Variants in SUPT3H observed in about 807,000 individuals in gnomAD.
The protein encoded by SUPT3H is SPT3 homolog, SAGA and STAGA complex component, also known as transcription initiation protein SPT3 homolog.
SUPT3H carries 44 observed loss-of-function variants against 44.3 expected under a neutral mutation model. The ratio of observed to expected loss-of-function variants is 0.99; its 90% confidence interval spans 0.78 to 1.28. SUPT3H has a LOEUF of 1.28. Among genes scored for constraint, SUPT3H ranks in the 50% most tolerant of loss-of-function variants. SUPT3H has a pLI of 0.00. For missense variants in SUPT3H, 380 were observed against 387.1 expected, an observed-to-expected ratio of 0.98 and a Z score of 0.15; for synonymous variants, 124 against 125.6, an observed-to-expected ratio of 0.99 and a Z score of 0.09.
intron 11 of SUPT3H, among the ~76,000 whole-genome samples, chr6:44,816,905 C>CA (rs547171999): frequency 0.14 from 14,895 of 103,200 alleles, 1,328 homozygotes; most frequent in African/African-American, 0.34. Flanking sequence ...AAAACAACAA[C>CA]AAAAAAAATG....
intron 10 of SUPT3H, among the ~76,000 whole-genome samples, chr6:44,882,652 C>G (rs1008543357): frequency 9.2e-5 from 14 of 152,112 alleles, no homozygotes; most frequent in African/African-American, 3.4e-4. Context: ...TACTGGCAAA[C>G]CGGATCCAGC....
chr6:44,921,491 A>G (rs1344792841), intron 10 of SUPT3H, among the ~76,000 whole-genome samples: 2 of 152,194 alleles, frequency 1.3e-5, no homozygotes, highest in Non-Finnish European at 2.9e-5. Flanking sequence ...TAGGTCACCA[A>G]CATGAAGATC....
chr6:44,997,650 A>T (rs188627925), intron 6 of SUPT3H, among the ~76,000 whole-genome samples: 1 of 152,016 alleles, frequency 6.6e-6, no homozygotes, highest in East Asian at 1.9e-4. Context: ...GCCAATAGCA[A>T]TGCCTTTTAT....
At chr6:45,012,578 AT>A (rs1783652902) in intron 5 of SUPT3H, among the ~76,000 whole-genome samples, 1 of 151,856 alleles carries the variant, frequency 6.6e-6, no homozygotes, top group Non-Finnish European at 1.5e-5. Flanking sequence ...TAAAAATTTT[AT>A]TTCCTTTAGT....
downstream of SUPT3H, among the ~76,000 whole-genome samples, chr6:44,825,650 G>A (rs1013867687): frequency 6.6e-6 from 1 of 152,110 alleles, no homozygotes; most frequent in Admixed American, 6.6e-5. Flanking sequence ...AGTACACAGG[G>A]TAGCACATGG....
intron 3 of SUPT3H, among the ~76,000 whole-genome samples, chr6:45,027,922 TTG>T (rs200745152): frequency 0.019 from 2,944 of 152,288 alleles, 52 homozygotes; most frequent in South Asian, 0.086. Context: ...TCCTAAGCCT[TTG>T]TGTGACTTTT....
At chr6:44,855,389 C>T (rs534600691) in intron 10 of SUPT3H, among the ~76,000 whole-genome samples, 38 of 152,180 alleles carry the variant, frequency 2.5e-4, no homozygotes, top group Admixed American at 9.2e-4. Flanking sequence ...TGCTCAGAAA[C>T]GAATACAAAC....
intron 2 of SUPT3H, among the ~76,000 whole-genome samples, chr6:45,155,889 T>C (rs1392995136): frequency 6.6e-6 from 1 of 152,090 alleles, no homozygotes. Context: ...TATATATAAA[T>C]GATAGGCCAA....
At chr6:45,330,895 G>A (rs1787343697) in intron 2 of SUPT3H, among the ~76,000 whole-genome samples, 1 of 151,894 alleles carries the variant, frequency 6.6e-6, no homozygotes, top group Non-Finnish European at 1.5e-5. Flanking sequence ...TTATCACATT[G>A]CAAACATTTC....
chr6:45,074,957 ATTAT>A (rs1794825292), intron 3 of SUPT3H, among the ~76,000 whole-genome samples: 1 of 152,046 alleles, frequency 6.6e-6, no homozygotes, highest in South Asian at 2.1e-4. Context: ...CGTGCTACAA[ATTAT>A]TTATTTTTGT....
At chr6:45,285,572 C>G (rs2053828565) in intron 2 of SUPT3H, among the ~76,000 whole-genome samples, 1 of 151,996 alleles carries the variant, frequency 6.6e-6, no homozygotes, top group Non-Finnish European at 1.5e-5. Flanking sequence ...AACTACAAAC[C>G]ACTGCTCAAT....
chr6:44,934,269 C>T (rs35704584), intron 9 of SUPT3H, among the ~76,000 whole-genome samples: 18,700 of 152,076 alleles, frequency 0.12, 1,463 homozygotes, highest in East Asian at 0.27. Flanking sequence ...GCAATTTCAC[C>T]TGTAAGAATT....
chr6:45,248,707 G>C (rs1393471881), intron 2 of SUPT3H, among the ~76,000 whole-genome samples: 2 of 152,084 alleles, frequency 1.3e-5, no homozygotes, highest in African/African-American at 4.8e-5. Context: ...ACGAGGTCAG[G>C]AGATCGAGAC....
At chr6:45,169,748 A>T (rs1810479560) in intron 2 of SUPT3H, among the ~76,000 whole-genome samples, 1 of 152,196 alleles carries the variant, frequency 6.6e-6, no homozygotes, top group South Asian at 2.1e-4. Context: ...TGTAAAATGT[A>T]GTTTTATTAT....
chr6:45,235,127 T>G (rs1768849553), intron 2 of SUPT3H, among the ~76,000 whole-genome samples: 1 of 152,184 alleles, frequency 6.6e-6, no homozygotes. Flanking sequence ...ATGCTTTATC[T>G]AAAACTATGG....
intron 2 of SUPT3H, among the ~76,000 whole-genome samples, chr6:45,119,065 A>T (rs556148997): frequency 6.6e-6 from 1 of 152,188 alleles, no homozygotes; most frequent in Non-Finnish European, 1.5e-5. Flanking sequence ...AACAGAGCAC[A>T]GCTGAGATTG....
intron 10 of SUPT3H, among the ~76,000 whole-genome samples, chr6:44,895,661 C>T (rs1360394043): frequency 6.6e-6 from 1 of 152,052 alleles, no homozygotes; most frequent in East Asian, 1.9e-4. Context: ...GGCTGTGGTT[C>T]AGCCTGATGG....
In SUPT3H at chr6:44,901,673, C is replaced by T. The variant is rs1470138143; in HGVS notation, c.912+30980G>A. 1.4e-4 allele frequency among the ~76,000 whole-genome samples: 21 copies of T among 150,756 alleles called. No homozygotes were observed. The East Asian group carries it at 2.0e-3, about 14-fold the overall frequency. On this transcript the variant is annotated intron_variant, in intron 10 of 10. Transcript: ENST00000371459. ...ATTCAGATTCAGGAAATACAGAGAA[C>T]GCCACAAAGATACTCCTCGAGAAGA...
intron 1 of SUPT3H, among the ~76,000 whole-genome samples, chr6:45,375,788 AGTTTT>A (rs1190494875): frequency 6.6e-6 from 1 of 151,952 alleles, no homozygotes; most frequent in Non-Finnish European, 1.5e-5. Context: ...TTGTTCTTTT[AGTTTT>A]ATTTTCAAAT....
Sources: allele counts gnomAD v4.1 joint callset (sites outside exome capture counted in the v4.1 genomes callset), GRCh38; gene constraint gnomAD v4.1.1; transcripts MANE v1.5; gene names NCBI Gene and HGNC (gene_info 2026-07-23, HGNC 2026-07-21).